GPR176: variants seen among roughly 807,000 people sequenced by gnomAD.
The protein encoded by GPR176 is G-protein coupled receptor 176.
GPR176 carries 26 observed loss-of-function variants against 35.4 expected under a neutral mutation model. That is an observed-to-expected ratio of 0.74 (90% CI 0.54 to 1.02). GPR176 has a LOEUF of 1.02. GPR176 is among the 50% of genes least tolerant of loss of function. GPR176 has a pLI of 0.00. For missense variants in GPR176, 597 were observed against 665.3 expected, an observed-to-expected ratio of 0.90 and a Z score of 1.13; for synonymous variants, 278 against 271.3, an observed-to-expected ratio of 1.02 and a Z score of -0.24.
At chr15:39,819,381 C>CTTAA (rs532905395) in intron 1 of GPR176, among the ~76,000 whole-genome samples, 68 of 152,298 alleles carry the variant, frequency 4.5e-4, no homozygotes, top group African/African-American at 1.6e-3. Context: ...TGAAAAGAAC[C>CTTAA]TTATCTGAAA....
At chr15:39,916,867 T>C (rs1213951095) in intron 1 of GPR176, among the ~76,000 whole-genome samples, 1 of 152,224 alleles carries the variant, frequency 6.6e-6, no homozygotes, top group Non-Finnish European at 1.5e-5. Context: ...TTTCTTGCCT[T>C]GCTTCTGACT....
At chr15:39,915,469 G>A (rs2033702026) in intron 1 of GPR176, among the ~76,000 whole-genome samples, 1 of 152,188 alleles carries the variant, frequency 6.6e-6, no homozygotes, top group East Asian at 1.9e-4. Flanking sequence ...ATGAATTTGA[G>A]GGGGAATATA....
intron 1 of GPR176, among the ~76,000 whole-genome samples, chr15:39,841,818 C>T (rs1350422244): frequency 6.6e-6 from 1 of 152,160 alleles, no homozygotes; most frequent in East Asian, 1.9e-4. Context: ...TACGAGGCTA[C>T]ATGACCAAAT....
chr15:39,879,713 G>A (rs1015611584), intron 1 of GPR176, among the ~76,000 whole-genome samples: 2 of 152,118 alleles, frequency 1.3e-5, no homozygotes, highest in African/African-American at 4.8e-5. Context: ...AGTCTCCTGG[G>A]CACCCCACCT....
intron 1 of GPR176, among the ~76,000 whole-genome samples, chr15:39,873,970 G>C (rs1050464483): frequency 6.6e-6 from 1 of 152,082 alleles, no homozygotes; most frequent in Non-Finnish European, 1.5e-5. Context: ...TGTGCAAAAA[G>C]GAAATCTATG....
chr15:39,826,899 T>A (rs1900696605), intron 1 of GPR176, among the ~76,000 whole-genome samples: 1 of 152,088 alleles, frequency 6.6e-6, no homozygotes, highest in Admixed American at 6.6e-5. Context: ...CTTGGCAGAA[T>A]AACAATAATA....
At chr15:39,815,727 C>T (rs748412847) in intron 1 of GPR176, among the ~76,000 whole-genome samples, 3 of 152,124 alleles carry the variant, frequency 2.0e-5, no homozygotes, top group Non-Finnish European at 4.4e-5. Context: ...GCCATTATGA[C>T]AAACACCAGG....
intron 1 of GPR176, among the ~76,000 whole-genome samples, chr15:39,876,010 G>C (rs2032231162): frequency 6.7e-6 from 1 of 150,258 alleles, no homozygotes; most frequent in Non-Finnish European, 1.5e-5. Context: ...TTTAACCTGG[G>C]TGTGGTGGTA....
intron 1 of GPR176, among the ~76,000 whole-genome samples, chr15:39,811,816 T>TG: frequency 6.6e-6 from 1 of 151,564 alleles, no homozygotes. Context: ...CTCAGCAGGC[T>TG]GAGGCAGGAG....
At chr15:39,890,025 A>ATG in intron 1 of GPR176, among the ~76,000 whole-genome samples, 1 of 152,144 alleles carries the variant, frequency 6.6e-6, no homozygotes, top group African/African-American at 2.4e-5. Context: ...GAATGATGAT[A>ATG]TTTTCATCAT....
At chr15:39,916,430 C>G (rs376312151) in intron 1 of GPR176, among the ~76,000 whole-genome samples, 1 of 152,150 alleles carries the variant, frequency 6.6e-6, no homozygotes, top group Non-Finnish European at 1.5e-5. Context: ...GCCTTGTGTT[C>G]ATTTTCAACA....
intron 1 of GPR176, among the ~76,000 whole-genome samples, chr15:39,907,311 G>A (rs572111279): frequency 6.6e-6 from 1 of 152,258 alleles, no homozygotes; most frequent in East Asian, 1.9e-4. Flanking sequence ...ACTTGACAAT[G>A]CCCACGTGAT....
At chr15:39,812,393 C>T (rs1899626294) in intron 1 of GPR176, among the ~76,000 whole-genome samples, 1 of 152,204 alleles carries the variant, frequency 6.6e-6, no homozygotes. Flanking sequence ...AGTCTTCTGG[C>T]CTCCATCTTT....
intron 1 of GPR176, among the ~76,000 whole-genome samples, chr15:39,917,226 T>C (rs2033749083): frequency 6.6e-6 from 1 of 151,150 alleles, no homozygotes; most frequent in Non-Finnish European, 1.5e-5. Context: ...GAGGTTGCAG[T>C]GAGCTGAGCT....
At chr15:39,899,599 C>G (rs1242076229) in intron 1 of GPR176, among the ~76,000 whole-genome samples, 1 of 152,168 alleles carries the variant, frequency 6.6e-6, no homozygotes, top group African/African-American at 2.4e-5. Flanking sequence ...GCATATTGGT[C>G]AACCTAATGC....
chr15:39,828,998 A>G (rs1900878776), intron 1 of GPR176: 1 of 696,744 alleles, frequency 1.4e-6, no homozygotes, highest in African/African-American at 1.8e-5. Flanking sequence ...GTATCATGTG[A>G]TATTTGCAAG....
intron 1 of GPR176, among the ~76,000 whole-genome samples, chr15:39,913,774 C>T (rs369347763): frequency 1.6e-4 from 25 of 152,246 alleles, no homozygotes; most frequent in African/African-American, 4.6e-4. Flanking sequence ...TGGCCGGGCG[C>T]GGTGGCTCAC....
Position 39,807,110 on chromosome 15 carries a change from A to G in GPR176, c.321T>C (p.Cys107=). The part of the protein sequence containing the change: ...FDIILSTSPH[C]CWWIYTMLFC... ...AGAGCATGGTGTAGATCCACCAGCA[A>G]CAGTGAGGACTGGTGCTGAGGATGA... is the stretch of plus-strand genomic sequence containing the variant. Residue 107 remains cysteine (C), a synonymous_variant, in exon 2 of 3, where the codon TGT becomes TGC. Coordinates refer to ENST00000561100, the MANE Select transcript of GPR176 (RefSeq NM_007223.3). 1 of 1,583,710 alleles carries G rather than the reference A, an allele frequency of 6.3e-7. No individual in the cohort carries two copies. Among genetic ancestry groups the G allele is most frequent in the African/African-American group, 1.5e-5 (1 of 68,230 alleles).
chr15:39,804,617 TAAA>T (rs36014645), intron 2 of GPR176, among the ~76,000 whole-genome samples: 2 of 138,480 alleles, frequency 1.4e-5, no homozygotes, highest in African/African-American at 2.7e-5. Flanking sequence ...GAGTCTTATT[TAAA>T]AAAAAAAAAA....
Sources: gnomAD v4.1 joint callset for allele counts (sites outside exome capture counted in the v4.1 genomes callset) on GRCh38, gnomAD v4.1.1 for gene constraint, MANE v1.5 for transcripts, NCBI Gene and HGNC (gene_info 2026-07-23, HGNC 2026-07-21) for gene names.